Variants in TRIP11 observed in about 807,000 individuals in gnomAD.
TRIP11 encodes thyroid hormone receptor interactor 11, also known as thyroid receptor-interacting protein 11.
A neutral mutation model predicts 223.1 loss-of-function variants in TRIP11; 148 were observed. That is an observed-to-expected ratio of 0.66 (90% CI 0.58 to 0.76). The LOEUF is 0.76. Among genes scored for constraint, TRIP11 ranks in the 30% least tolerant of loss-of-function variants. TRIP11 has a pLI of 0.00. For synonymous variants in TRIP11, 762 were observed against 772.6 expected (o/e 0.99, Z 0.23); for missense variants, 2,043 against 2,222.0 (o/e 0.92, Z 1.62).
At chr14:92,024,843 A>G (rs1002758510) in intron 3 of TRIP11, among the ~76,000 whole-genome samples, 5 of 152,190 alleles carry the variant, frequency 3.3e-5, no homozygotes, top group African/African-American at 1.2e-4. Context: ...AATATCTACT[A>G]CCAGCACTGT....
At chr14:91,987,677 T>A (rs925422343) in intron 16 of TRIP11, among the ~76,000 whole-genome samples, 2 of 152,088 alleles carry the variant, frequency 1.3e-5, no homozygotes, top group Non-Finnish European at 2.9e-5. Flanking sequence ...AGAGATGAAA[T>A]GAGGATATGC....
Position 91,968,934 on chromosome 14 carries a change from CTGTG to C in TRIP11, c.*735_*738del, listed in dbSNP as rs2140076251. 1 of 231,268 alleles carries C rather than the reference CTGTG, an allele frequency of 4.3e-6. No individual in the cohort carries two copies. The highest frequency in any genetic ancestry group is 5.6e-5 in the Admixed American group (1 of 17,718). The allele number at this position is 231,268 out of a possible 1,614,324, so 14.3% of individuals were successfully genotyped here. A position where few individuals can be genotyped will look rare whatever the true frequency, so the allele number is the denominator to read the frequency against. ...GTAATGGAAGTCTTCCGTGTCTTGC[CTGTG>C]GTGGTAGTCACATGAATTTACACAC... On this transcript the variant is annotated 3_prime_UTR_variant, in exon 21 of 21. Coordinates refer to ENST00000267622, the MANE Select transcript of TRIP11 (RefSeq NM_004239.4).
rs557820806 is a variant in TRIP11, at chr14:92,028,218, T to C, written c.202-2798A>G. Among the ~76,000 whole-genome samples the C allele has an allele frequency of 7.2e-5, 11 of 152,276 alleles. No individual in the cohort carries two copies. In the East Asian group the frequency reaches 1.9e-3, roughly 27 times the overall value. ...TGTGAAACTTTGAATATGGTCAATA[T>C]CTACTTGGTTGTCTGCCCTCATCTC... On this transcript the variant is annotated intron_variant, in intron 2 of 20. Coordinates refer to ENST00000267622, the MANE Select transcript of TRIP11 (RefSeq NM_004239.4).
intron 1 of TRIP11, among the ~76,000 whole-genome samples, chr14:92,035,426 C>T (rs921597901): frequency 6.6e-6 from 1 of 151,622 alleles, no homozygotes; most frequent in Non-Finnish European, 1.5e-5. Context: ...AATAACTTAT[C>T]TGGACTACAG....
At chr14:92,014,076 A>C in intron 7 of TRIP11, 139 bp downstream of exon 7, 1 of 1,249,400 alleles carries the variant, frequency 8.0e-7, no homozygotes, top group Non-Finnish European at 1.1e-6. Flanking sequence ...CAAACCACAC[A>C]ATTCTACCCA....
chr14:92,029,061 T>A (rs2057225815), intron 2 of TRIP11, among the ~76,000 whole-genome samples: 1 of 152,160 alleles, frequency 6.6e-6, no homozygotes, highest in African/African-American at 2.4e-5. Flanking sequence ...TTTTTATAAA[T>A]CTAAGAAAAA....
rs547123253 is a variant in TRIP11 at position 92,014,521 on chromosome 14, T to C, written c.880A>G (p.Ile294Val). The change falls in exon 7 of 21, where the codon ATT becomes GTT. Residue 294 changes from isoleucine (I) to valine (V), a missense_variant. Ile to Val is a conservative substitution (Grantham distance 29). Coordinates refer to ENST00000267622, the MANE Select transcript of TRIP11 (RefSeq NM_004239.4). ...ACTTTTTCTATTTGTAGAACTTGAA[T>C]AGTTTTTTGCATCTCATAGATTTTA... Reference protein sequence around the residue: ...LSKIYEMQKTIQVLQIEKVES... With the variant: ...LSKIYEMQKTVQVLQIEKVES... 3.1e-6 allele frequency: 5 copies of C among 1,599,954 alleles called. No homozygotes were observed. Among genetic ancestry groups the C allele is most frequent in the East Asian group, 4.5e-5 (2 of 44,730 alleles).
intron 16 of TRIP11, among the ~76,000 whole-genome samples, chr14:91,987,991 T>C (rs183863453): frequency 6.6e-6 from 1 of 152,292 alleles, no homozygotes; most frequent in East Asian, 1.9e-4. Flanking sequence ...ATCATATCCA[T>C]AAAAAGTCAA....
Position 92,003,863 on chromosome 14 carries a change from G to A in TRIP11, c.4113C>T (p.His1371=), listed in dbSNP as rs1159288590. The change falls in exon 11 of 21, where the codon CAC becomes CAT. Residue 1371 remains histidine, a synonymous_variant. Transcript: ENST00000267622. ...TGGCAGCAATCGAATCAGACAATCTGTGGTTATTTTCCTGGAGAGTTCTAA... is the reference window on the plus strand; with the variant it reads ...TGGCAGCAATCGAATCAGACAATCTATGGTTATTTTCCTGGAGAGTTCTAA... The part of the protein sequence containing the change: ...ATIRTLQENN[H]RLSDSIAATS... 6.2e-7 allele frequency: 1 copy of A among 1,613,990 alleles called. No individual in the cohort carries two copies.
At chr14:91,977,174 G>A in intron 16 of TRIP11, 1 of 447,806 alleles carries the variant, frequency 2.2e-6, no homozygotes. Flanking sequence ...CTGGATACAA[G>A]TTCCGTTATC....
At chr14:91,988,018 C>T (rs748923081) in intron 16 of TRIP11, among the ~76,000 whole-genome samples, 1 of 152,116 alleles carries the variant, frequency 6.6e-6, no homozygotes, top group Non-Finnish European at 1.5e-5. Context: ...CCAATCAACC[C>T]CTCTGATGGT....
intron 2 of TRIP11, among the ~76,000 whole-genome samples, chr14:92,026,122 A>C (rs888465833): frequency 9.2e-5 from 14 of 152,238 alleles, no homozygotes; most frequent in African/African-American, 3.4e-4. Context: ...TTTTTTAAAA[A>C]GAAATCTTTC....
chr14:92,035,139 T>C (rs1037868006), intron 1 of TRIP11, among the ~76,000 whole-genome samples: 2 of 135,878 alleles, frequency 1.5e-5, no homozygotes, highest in African/African-American at 2.7e-5. Flanking sequence ...ACTCCATCTC[T>C]ACTAAAAATA....
chr14:91,969,732 A>G lies in TRIP11; in HGVS notation c.5881T>C (p.Leu1961=). Residue 1961 remains leucine (L), a synonymous_variant, in exon 21 of 21, where the codon TTG becomes CTG. Coordinates refer to ENST00000267622, the MANE Select transcript of TRIP11 (RefSeq NM_004239.4). The part of the protein sequence containing the change: ...ISDVLPTFTP[L]PALPDNSAGV... The stretch of plus-strand genomic sequence containing the variant: ...GCACTGTTGTCAGGTAACGCTGGCA[A>G]AGGTGTAAATGTGGGCAAAACATCT... 1 of 1,613,498 alleles carries G rather than the reference A, an allele frequency of 6.2e-7. No homozygotes were observed.
chr14:92,011,090 C>T lies in TRIP11; in HGVS notation c.1228-18G>A. On this transcript the variant is annotated intron_variant, in intron 8 of 20. Transcript: ENST00000267622. ...CTGTTATCCTACAAAAATGTTAAAG[C>T]AGTGTTTTCAGGTAACAAGAAATTT... 6.2e-7 allele frequency: 1 copy of T among 1,610,154 alleles called. No homozygotes were observed. The highest frequency in any genetic ancestry group is 2.2e-5 in the East Asian group (1 of 44,840).
chr14:91,975,264 T>C lies in TRIP11; in HGVS notation c.5365A>G (p.Ile1789Val), dbSNP rs1189616085. ...TTTTTCGGTGTGTGGAAATGACCAATGAAGAGGTTTCTCATTAGGACTCTA... is the reference window on the plus strand; with the variant it reads ...TTTTTCGGTGTGTGGAAATGACCAACGAAGAGGTTTCTCATTAGGACTCTA... ...VDKVLMRNLF[I>V]GHFHTPKNQR... Residue 1789 changes from isoleucine (I) to valine (V), a missense_variant, in exon 18 of 21, where the codon ATT becomes GTT. Transcript: ENST00000267622. The C allele has an allele frequency of 2.5e-6, 4 of 1,613,282 alleles. No individual in the cohort carries two copies. The highest frequency in any genetic ancestry group is 3.3e-5 in the Admixed American group (2 of 59,968).
At chr14:91,991,810 C>T (rs990356239) in intron 15 of TRIP11, among the ~76,000 whole-genome samples, 21 of 151,948 alleles carry the variant, frequency 1.4e-4, no homozygotes, top group Admixed American at 3.3e-4. Flanking sequence ...CAGCCGGGTG[C>T]GGTGGCTCAC....
rs2056493343 is a variant in TRIP11, at chr14:91,978,261, C to G, written c.5261-2072G>C. 6.6e-6 allele frequency among the ~76,000 whole-genome samples: 1 copy of G among 152,082 alleles called. No individual in the cohort carries two copies. ...TTGACTTAACCGTCCCACTCACAAA[C>G]TAAAGTAGGAGACAGAGTAAAGATG... On this transcript the variant is annotated intron_variant, in intron 16 of 20. Transcript: ENST00000267622. The surrounding 1 kb of genome is among the most constrained non-coding windows in gnomAD (Gnocchi z 4.4).
intron 6 of TRIP11, 143 bp from the exon 7 acceptor site, chr14:92,014,720 A>C: frequency 2.3e-6 from 2 of 874,784 alleles, no homozygotes; most frequent in Non-Finnish European, 3.3e-6. Context: ...AAGTGTTTTA[A>C]AATAAATAAG....
Sources: gnomAD v4.1 joint callset for allele counts (sites outside exome capture counted in the v4.1 genomes callset) on GRCh38, gnomAD v4.1.1 for gene constraint, Gnocchi (gnomAD v3.1) non-coding constraint, MANE v1.5 for transcripts, NCBI Gene and HGNC (gene_info 2026-07-23, HGNC 2026-07-21) for gene names.